HIVEP2: variants seen among roughly 807,000 people sequenced by gnomAD.
HIVEP2 encodes the protein transcription factor HIVEP2.
In HIVEP2, 14 loss-of-function variants were observed where a neutral mutation model predicts 180.7. The ratio of observed to expected loss-of-function variants is 0.08; its 90% CI spans 0.05 to 0.12. HIVEP2 has a LOEUF of 0.12. Among genes scored for constraint, HIVEP2 ranks in the 10% least tolerant of loss-of-function variants. The pLI is 1.00. For synonymous variants in HIVEP2, 1,184 were observed against 1,136.4 expected, an observed-to-expected ratio of 1.04 and a Z score of -0.84; for missense variants, 2,579 against 3,008.5, an observed-to-expected ratio of 0.86 and a Z score of 3.34.
At position 142,770,767 on chromosome 6, in the gene HIVEP2, C is replaced by T. The variant is rs757381913; in HGVS notation, c.3972G>A (p.Gly1324=). 5 of 1,614,082 alleles carry T rather than the reference C, an allele frequency of 3.1e-6. No homozygotes were observed. Among genetic ancestry groups the T allele is most frequent in the Non-Finnish European group, 4.2e-6 (5 of 1,180,056 alleles). The change falls in exon 5 of 10, where the codon GGG becomes GGA. Residue 1324 remains glycine, a synonymous_variant. Transcript: ENST00000367603. This position sits in a 1 kb window ranked among gnomAD's most constrained non-coding sequence, Gnocchi z 4.7. ...CTGTTCCTGGGAGGGACTGCAAAGA[C>T]CCAGCATTTGCCGAGGCAAAATCTT... ...LQEDFASANA[G]SLQSLPGTVV...
chr6:142,776,528 G>A (rs758480972), intron 3 of HIVEP2, among the ~76,000 whole-genome samples: 8 of 113,460 alleles, frequency 7.1e-5, no homozygotes, highest in Non-Finnish European at 9.7e-5. Flanking sequence ...AGATACAGGC[G>A]TTTTTTGTTT....
In HIVEP2 at chr6:142,892,383, A is replaced by T. The variant is rs72995099; in HGVS notation, c.-641+52716T>A. On this transcript the variant is annotated intron_variant, in intron 1 of 9. Transcript: ENST00000367603. ...ACATACCCTCTGCTGGCATGGATAA[A>T]GCTCTTCCTACATCCCGGCGGAGGT... Among the ~76,000 whole-genome samples the T allele has an allele frequency of 1.4e-3, 212 of 152,274 alleles. 2 individuals are homozygous for T. Among genetic ancestry groups the T allele is most frequent in the Admixed American group, 2.9e-3 (44 of 15,290 alleles).
intron 2 of HIVEP2, among the ~76,000 whole-genome samples, chr6:142,826,119 T>G (rs895539037): frequency 1.3e-5 from 2 of 152,210 alleles, no homozygotes; most frequent in Non-Finnish European, 2.9e-5. Flanking sequence ...ATATATCTGA[T>G]TTAGAAATTT....
rs762453316 is a variant in HIVEP2 at position 142,770,341 on chromosome 6, G to A, written c.4398C>T (p.Tyr1466=). ...QQKRVKEEKM[Y]GQIVEELSAV... is the part of the protein sequence containing the mutation. The stretch of plus-strand genomic sequence containing the variant: ...CACTAAGCTCCTCCACAATCTGTCC[G>A]TACATCTTTTCTTCTTTGACCCTTT... Residue 1466 remains tyrosine (Y), a synonymous_variant, in exon 5 of 10, where the codon TAC becomes TAT. Transcript: ENST00000367603. The surrounding 1 kb of genome is among the most constrained non-coding windows in gnomAD (Gnocchi z 4.7). 1.7e-4 allele frequency: 276 copies of A among 1,613,992 alleles called. No individual in the cohort carries two copies. Among genetic ancestry groups the A allele is most frequent in the Non-Finnish European group, 2.1e-4 (246 of 1,180,044 alleles).
chr6:142,847,172 G>A (rs1249567702), intron 1 of HIVEP2, among the ~76,000 whole-genome samples: 1 of 152,172 alleles, frequency 6.6e-6, no homozygotes, highest in Non-Finnish European at 1.5e-5. Flanking sequence ...ATGGCATGTT[G>A]GGGGTGGAAT....
chr6:142,873,324 A>G (rs1776344992), intron 1 of HIVEP2, among the ~76,000 whole-genome samples: 1 of 152,130 alleles, frequency 6.6e-6, no homozygotes, highest in Admixed American at 6.6e-5. Flanking sequence ...TCTTATCTCT[A>G]CTTTCCCAAA....
At chr6:142,828,444 A>AT (rs35534571) in intron 2 of HIVEP2, among the ~76,000 whole-genome samples, 50 of 148,474 alleles carry the variant, frequency 3.4e-4, no homozygotes, top group Non-Finnish European at 4.6e-4. Context: ...AGTTGAGCTA[A>AT]TTTTTTTTTT....
intron 1 of HIVEP2, among the ~76,000 whole-genome samples, chr6:142,859,003 T>G (rs1775900533): frequency 6.6e-6 from 1 of 152,180 alleles, no homozygotes. Flanking sequence ...GCTTGAGGAC[T>G]GGGCTCAGCA....
chr6:142,863,112 A>C (rs533224473), intron 1 of HIVEP2, among the ~76,000 whole-genome samples: 1 of 146,166 alleles, frequency 6.8e-6, no homozygotes, highest in African/African-American at 2.5e-5. Context: ...AATATATTAC[A>C]TAATATATAA....
chr6:142,931,298 T>C (rs1777937661), intron 1 of HIVEP2, among the ~76,000 whole-genome samples: 1 of 151,558 alleles, frequency 6.6e-6, no homozygotes, highest in South Asian at 2.1e-4. Context: ...CCTTACAGTA[T>C]GCTATATAGA....
intron 1 of HIVEP2, among the ~76,000 whole-genome samples, chr6:142,914,338 A>T (rs1777495986): frequency 6.6e-6 from 1 of 152,240 alleles, no homozygotes; most frequent in Admixed American, 6.5e-5. Flanking sequence ...GGTACATCAA[A>T]TGCCATCTTA....
Position 142,760,301 on chromosome 6 carries a change from G to T in HIVEP2, c.5987C>A (p.Thr1996Lys), listed in dbSNP as rs1469733979. 6.2e-7 allele frequency: 1 copy of T among 1,613,910 alleles called. No individual in the cohort carries two copies. The highest frequency in any genetic ancestry group is 8.5e-7 in the Non-Finnish European group (1 of 1,179,900). Residue 1996 changes from threonine to lysine, a missense_variant, in exon 9 of 10, where the codon ACA becomes AAA. By Grantham distance (78) the Thr-to-Lys change is moderately conservative. Transcript: ENST00000367603. Reference protein sequence around the residue: ...PSDSCEDTQMTEYQRLFQSKS... With the variant: ...PSDSCEDTQMKEYQRLFQSKS... Reference sequence around the variant, plus strand: ...GCTCTGGAATAGCCTCTGGTATTCTGTCATCTGGGTATCTTCACATGAATC... The same window carrying T: ...GCTCTGGAATAGCCTCTGGTATTCTTTCATCTGGGTATCTTCACATGAATC...
At position 142,820,275 on chromosome 6, in the gene HIVEP2, A is replaced by G. The variant is rs193234770; in HGVS notation, c.-528+16660T>C. Among the ~76,000 whole-genome samples the G allele has an allele frequency of 3.8e-3, 526 of 138,616 alleles. 3 individuals are homozygous for G. Among genetic ancestry groups the G allele is most frequent in the African/African-American group, 0.014 (461 of 33,948 alleles). The allele number at this position is 138,616 out of a possible 152,430, so 90.9% of individuals were successfully genotyped here. A position where few individuals can be genotyped will look rare whatever the true frequency, so the allele number is the denominator to read the frequency against. ...CTGATTAATTGTCCTTATCACCACT[A>G]CTTTACCAGGCTCGCTCTCTCTTCT... On this transcript the variant is annotated intron_variant, in intron 2 of 9. Coordinates refer to ENST00000367603, the MANE Select transcript of HIVEP2 (RefSeq NM_006734.4).
chr6:142,881,682 T>C (rs993497026), intron 1 of HIVEP2, among the ~76,000 whole-genome samples: 8 of 152,212 alleles, frequency 5.3e-5, no homozygotes, highest in Admixed American at 3.3e-4. Flanking sequence ...AGAAAATGTA[T>C]ATTCTTCCAA....
intron 3 of HIVEP2, among the ~76,000 whole-genome samples, chr6:142,776,540 G>A (rs146517420): frequency 2.0e-5 from 3 of 150,984 alleles, no homozygotes; most frequent in Non-Finnish European, 4.4e-5. Flanking sequence ...TTTTTGTTTT[G>A]TTTTTTTTGA....
chr6:142,763,258 G>A (rs1338638632), intron 7 of HIVEP2, among the ~76,000 whole-genome samples: 1 of 152,192 alleles, frequency 6.6e-6, no homozygotes, highest in Non-Finnish European at 1.5e-5. Flanking sequence ...GAGAGGGAAG[G>A]AGAGTGGCGG....
At position 142,753,510 on chromosome 6, in the gene HIVEP2, T is replaced by C. The variant is rs558776321; in HGVS notation, c.6938A>G (p.Asp2313Gly). 1.8e-5 allele frequency: 29 copies of C among 1,614,174 alleles called. No homozygotes were observed. In the South Asian group the frequency reaches 3.0e-4, roughly 16 times the overall value. Residue 2313 changes from aspartate (D) to glycine (G), a missense_variant, in exon 10 of 10, where the codon GAC becomes GGC. By Grantham distance (94) the Asp-to-Gly change is moderately conservative. Transcript: ENST00000367603. ...TTCCCGCTCTGTTGCGTTTAGGCTGTCTTCCGAAGTGCTCTGTTTCATCAA... is the reference window on the plus strand; with the variant it reads ...TTCCCGCTCTGTTGCGTTTAGGCTGCCTTCCGAAGTGCTCTGTTTCATCAA... ...RLLMKQSTSE[D>G]SLNATEREQE...
intron 1 of HIVEP2, among the ~76,000 whole-genome samples, chr6:142,915,898 C>A (rs1408799485): frequency 6.6e-6 from 1 of 152,210 alleles, no homozygotes; most frequent in Non-Finnish European, 1.5e-5. Context: ...CCGCTTTAAA[C>A]TCAACAAATC....
intron 1 of HIVEP2, among the ~76,000 whole-genome samples, chr6:142,842,398 A>G (rs1775386909): frequency 6.6e-6 from 1 of 152,198 alleles, no homozygotes; most frequent in South Asian, 2.1e-4. Context: ...TGGTTTACAT[A>G]ACCGATATGG....
Sources: allele counts gnomAD v4.1 joint callset (sites outside exome capture counted in the v4.1 genomes callset), GRCh38; gene constraint gnomAD v4.1.1; non-coding constraint Gnocchi (gnomAD v3.1); transcripts MANE v1.5; gene names NCBI Gene and HGNC (gene_info 2026-07-23, HGNC 2026-07-21).